Variants in AGMO observed in about 807,000 individuals in gnomAD.
The protein encoded by AGMO is alkylglycerol monooxygenase, also known as glyceryl-ether monooxygenase.
Under a neutral mutation model 60.2 loss-of-function variants are expected in AGMO, and 75 were observed. That is an observed-to-expected ratio of 1.25 (90% CI 1.03 to 1.51). The LOEUF (loss-of-function observed/expected upper bound fraction) is 1.51, where lower values mean the gene tolerates loss of function less well. Ranked by LOEUF, AGMO falls within the 40% of genes most tolerant of loss-of-function variation. The probability of loss-of-function intolerance (pLI) is 0.00; values close to 1 mark genes in which losing one functional copy is unlikely to be tolerated. For missense variants in AGMO, 763 were observed against 525.5 expected, an observed-to-expected ratio of 1.45 and a Z score of -4.42; for synonymous variants, 261 against 177.1, an observed-to-expected ratio of 1.47 and a Z score of -3.76.
At chr7:15,255,956 G>C (rs1783084943) in intron 12 of AGMO, among the ~76,000 whole-genome samples, 1 of 152,130 alleles carries the variant, frequency 6.6e-6, no homozygotes, top group South Asian at 2.1e-4. Flanking sequence ...GAATAAGAGA[G>C]AAGAACAGAT....
intron 12 of AGMO, among the ~76,000 whole-genome samples, chr7:15,300,966 C>CT (rs1784546503): frequency 1.3e-5 from 2 of 152,146 alleles, no homozygotes; most frequent in Admixed American, 1.3e-4. Flanking sequence ...CTATCTGTCT[C>CT]TCTCTTAAAT....
chr7:15,418,660 GA>G lies in AGMO; in HGVS notation c.514-8del. 6.6e-7 allele frequency: 1 copy of G among 1,516,282 alleles called. No individual in the cohort carries two copies. The highest frequency in any genetic ancestry group is 2.0e-4 in the Middle Eastern group (1 of 4,914). 93.9% of individuals were successfully genotyped at this position (1,516,282 alleles called of 1,614,324 possible). ...CCAGGGGAGAGTAGAAAATCTGAAA[GA>G]AAAAATTAAAAAAAAATTAATTTGC... On this transcript the variant is annotated splice_region_variant and splice_polypyrimidine_tract_variant and intron_variant, in intron 4 of 12. Coordinates refer to ENST00000342526, the MANE Select transcript of AGMO (RefSeq NM_001004320.2).
In AGMO at chr7:15,561,701, T is replaced by C; in HGVS notation, c.126+19A>G. On this transcript the variant is annotated intron_variant, in intron 1 of 12. Transcript: ENST00000342526. Reference sequence around the variant, plus strand: ...GAAAGCAGCAAGAATAAGAGTAGCCTCTTCCAATAAAGTCTCACCTTTTTT... The same window carrying C: ...GAAAGCAGCAAGAATAAGAGTAGCCCCTTCCAATAAAGTCTCACCTTTTTT... 6.3e-7 allele frequency: 1 copy of C among 1,591,738 alleles called. No individual in the cohort carries two copies.
intron 12 of AGMO, among the ~76,000 whole-genome samples, chr7:15,237,648 C>T (rs1455850233): frequency 6.6e-6 from 1 of 152,014 alleles, no homozygotes; most frequent in Non-Finnish European, 1.5e-5. Flanking sequence ...GAACATTTCC[C>T]TTGTGGGTTT....
intron 3 of AGMO, among the ~76,000 whole-genome samples, chr7:15,510,577 A>T (rs1392803462): frequency 6.7e-6 from 1 of 149,956 alleles, no homozygotes; most frequent in South Asian, 2.1e-4. Context: ...TGTGATATAT[A>T]TGACATATAT....
At chr7:15,357,243 A>C (rs1342055135) in intron 12 of AGMO, among the ~76,000 whole-genome samples, 2 of 148,668 alleles carry the variant, frequency 1.3e-5, no homozygotes, top group African/African-American at 5.0e-5. Context: ...CCTTGAACCC[A>C]AAAGTACGTA....
rs1357430422 is a variant in AGMO at position 15,354,364 on chromosome 7, ATATAGACGTGTG to A, written c.1263+11138_1263+11149del. 8.4e-3 allele frequency among the ~76,000 whole-genome samples: 658 copies of A among 78,344 alleles called. 134 individuals are homozygous for A. Among genetic ancestry groups the A allele is most frequent in the African/African-American group, 0.043 (615 of 14,318 alleles). 51.4% of individuals were successfully genotyped at this position (78,344 alleles called of 152,430 possible). The stretch of plus-strand genomic sequence containing the variant: ...TACACGCGTGTATATAGACGTGTGT[ATATAGACGTGTG>A]TATACACGTGTGTGTATACACGTGT... On this transcript the variant is annotated intron_variant, in intron 12 of 12. Coordinates refer to ENST00000342526, the MANE Select transcript of AGMO (RefSeq NM_001004320.2).
chr7:15,352,111 CAAG>C (rs1240238673), intron 12 of AGMO, among the ~76,000 whole-genome samples: 4 of 152,252 alleles, frequency 2.6e-5, no homozygotes, highest in South Asian at 4.1e-4. Context: ...TAAGCTATAG[CAAG>C]AAGACCTCTA....
At chr7:15,495,741 T>G (rs974388348) in intron 3 of AGMO, among the ~76,000 whole-genome samples, 2 of 152,194 alleles carry the variant, frequency 1.3e-5, no homozygotes, top group Admixed American at 1.3e-4. Context: ...TAGTAAGGCC[T>G]TCTTCCTGGC....
At chr7:15,325,794 T>C (rs911320558) in intron 12 of AGMO, among the ~76,000 whole-genome samples, 1 of 152,180 alleles carries the variant, frequency 6.6e-6, no homozygotes, top group African/African-American at 2.4e-5. Flanking sequence ...ATTAGGATTA[T>C]CTTAATAGGA....
chr7:15,382,606 G>A (rs549706068), intron 10 of AGMO, among the ~76,000 whole-genome samples: 1 of 152,146 alleles, frequency 6.6e-6, no homozygotes, highest in South Asian at 2.1e-4. Context: ...AAAGCTGTAA[G>A]GGCAGGATGA....
the AGMO span, among the ~76,000 whole-genome samples, chr7:15,124,073 G>A: frequency 2.0e-5 from 3 of 152,046 alleles, no homozygotes; most frequent in Non-Finnish European, 2.9e-5. Context: ...ACCTGCAGTA[G>A]AGATGGCATA....
intron 5 of AGMO, among the ~76,000 whole-genome samples, chr7:15,407,034 T>G (rs1784721040): frequency 6.9e-6 from 1 of 144,936 alleles, no homozygotes; most frequent in East Asian, 2.0e-4. Context: ...TATATGTATA[T>G]ACACACATAT....
chr7:15,381,989 C>T (rs536950020), intron 10 of AGMO, among the ~76,000 whole-genome samples: 22 of 151,986 alleles, frequency 1.4e-4, no homozygotes, highest in South Asian at 8.3e-4. Context: ...CACATGGACA[C>T]GTAAGAGGAA....
At chr7:15,208,124 G>A (rs900229055) in intron 12 of AGMO, among the ~76,000 whole-genome samples, 3 of 152,134 alleles carry the variant, frequency 2.0e-5, no homozygotes, top group Non-Finnish European at 4.4e-5. Flanking sequence ...AATGTGCCTT[G>A]TTTAAATTGA....
chr7:15,327,671 A>G (rs944817624), intron 12 of AGMO, among the ~76,000 whole-genome samples: 2 of 151,314 alleles, frequency 1.3e-5, no homozygotes, highest in Admixed American at 1.3e-4. Context: ...CGTTGAGGGT[A>G]TATGTAATTA....
In AGMO at chr7:15,390,749, C is replaced by T. The variant is rs763553396; in HGVS notation, c.744G>A (p.Gly248=). The change falls in exon 8 of 13, where the codon GGG becomes GGA. Residue 248 remains glycine (G), a splice_region_variant and synonymous_variant. Transcript: ENST00000342526. ...GVLIIWDKIF[G]TFEAENEKVV... is the part of the protein sequence containing the mutation. ...CTTTTTCATTTTCTGCTTCAAATGT[C>T]CCTGGAAGATAAATATAAAGATATG... 7 of 1,607,314 alleles carry T rather than the reference C, an allele frequency of 4.4e-6. No individual in the cohort carries two copies. The highest frequency in any genetic ancestry group is 4.0e-5 in the African/African-American group (3 of 74,720).
At chr7:15,178,759 C>T in the AGMO span, among the ~76,000 whole-genome samples, 888 of 152,138 alleles carry the variant, frequency 5.8e-3, 8 homozygotes, top group African/African-American at 0.02. Context: ...TTGTTTTAGT[C>T]CATTTTCTGC....
chr7:15,137,918 C>T, the AGMO span, among the ~76,000 whole-genome samples: 1 of 152,056 alleles, frequency 6.6e-6, no homozygotes, highest in Non-Finnish European at 1.5e-5. Flanking sequence ...AAGTGCTCTC[C>T]TTGCTTTATT....
Sources: allele counts gnomAD v4.1 joint callset (sites outside exome capture counted in the v4.1 genomes callset), GRCh38; gene constraint gnomAD v4.1.1; transcripts MANE v1.5; gene names NCBI Gene and HGNC (gene_info 2026-07-23, HGNC 2026-07-21).